Variants in NPAS2 observed in about 807,000 individuals in gnomAD.
NPAS2 encodes neuronal PAS domain protein 2.
NPAS2 carries 23 observed loss-of-function variants against 107.5 expected under a neutral mutation model. The observed-to-expected ratio is 0.21, with a 90% CI of 0.15 to 0.30. NPAS2 has a LOEUF of 0.30. NPAS2 is among the 10% of genes least tolerant of loss of function. NPAS2 has a pLI of 1.00. For synonymous variants in NPAS2, 403 were observed against 417.5 expected (o/e 0.97, Z 0.42); for missense variants, 756 against 1,043.3 (o/e 0.72, Z 3.79).
intron 5 of NPAS2, 22 bp from the exon 6 acceptor site, chr2:100,948,213 T>G (rs1286024069): frequency 6.2e-7 from 1 of 1,611,190 alleles, no homozygotes; most frequent in Non-Finnish European, 8.5e-7. Context: ...GGTGTACCTT[T>G]GTCCTTTATT....
At chr2:100,958,521 C>T (rs1675713451) in intron 7 of NPAS2, among the ~76,000 whole-genome samples, 1 of 152,184 alleles carries the variant, frequency 6.6e-6, no homozygotes, top group Admixed American at 6.5e-5. Context: ...CCGTCCTTCC[C>T]CTGCAGGGGT....
chr2:100,982,511 A>G, intron 16 of NPAS2, 134 bp downstream of exon 16: 3 of 1,022,086 alleles, frequency 2.9e-6, no homozygotes, highest in Non-Finnish European at 4.2e-6. Context: ...TTATGAAAGC[A>G]TATTGCAGTC....
chr2:100,911,159 A>C (rs989438851), intron 2 of NPAS2, among the ~76,000 whole-genome samples: 5 of 152,210 alleles, frequency 3.3e-5, no homozygotes, highest in Non-Finnish European at 5.9e-5. Context: ...GCAATTAGCA[A>C]ATAACCAAAA....
intron 1 of NPAS2, among the ~76,000 whole-genome samples, chr2:100,890,259 G>T (rs1300662187): frequency 6.6e-6 from 1 of 152,226 alleles, no homozygotes; most frequent in Admixed American, 6.5e-5. Flanking sequence ...CAGGGAGCAG[G>T]CTGGGCTCAG....
At chr2:100,923,910 T>G (rs781696888) in intron 2 of NPAS2, among the ~76,000 whole-genome samples, 83 of 152,122 alleles carry the variant, frequency 5.5e-4, no homozygotes, top group Non-Finnish European at 8.7e-4. Context: ...CCTTGTTCGT[T>G]GTTAATTAGA....
intron 2 of NPAS2, among the ~76,000 whole-genome samples, chr2:100,908,279 A>C (rs1682298791): frequency 6.6e-6 from 1 of 152,152 alleles, no homozygotes; most frequent in Non-Finnish European, 1.5e-5. Context: ...TGCAGTATGC[A>C]GTGCTGATAG....
intron 1 of NPAS2, among the ~76,000 whole-genome samples, chr2:100,852,145 C>T (rs1194975450): frequency 3.3e-5 from 5 of 152,062 alleles, no homozygotes; most frequent in Non-Finnish European, 7.3e-5. Flanking sequence ...GCCTGTAATC[C>T]CAGCACTTTG....
Position 100,949,861 on chromosome 2 carries a change from G to A in NPAS2, c.598+381G>A, listed in dbSNP as rs4851385. ...TTGCCTTCCACACTGTTTCCCTCCC[G>A]CTGCAGTACTGTCATGAGCGTATTT... On this transcript the variant is annotated intron_variant, in intron 7 of 20. Coordinates refer to ENST00000335681, the MANE Select transcript of NPAS2 (RefSeq NM_002518.4). Among the ~76,000 whole-genome samples the A allele has an allele frequency of 7.5e-3, 1,148 of 152,072 alleles. 14 individuals are homozygous for A. Among genetic ancestry groups the A allele is most frequent in the African/African-American group, 0.027 (1,103 of 41,456 alleles).
intron 1 of NPAS2, among the ~76,000 whole-genome samples, chr2:100,835,516 G>A (rs1251574035): frequency 6.6e-6 from 1 of 152,148 alleles, no homozygotes. Context: ...GTACAAAAGA[G>A]GAACGCTTGC....
intron 1 of NPAS2, among the ~76,000 whole-genome samples, chr2:100,888,328 A>G (rs1156660565): frequency 1.3e-5 from 2 of 152,108 alleles, no homozygotes; most frequent in African/African-American, 4.8e-5. Flanking sequence ...GAGGGTTGTG[A>G]ACAGCTAAAG....
intron 1 of NPAS2, among the ~76,000 whole-genome samples, chr2:100,842,071 G>A (rs1366842897): frequency 2.4e-5 from 2 of 81,836 alleles, no homozygotes; most frequent in African/African-American, 7.6e-5. Flanking sequence ...GCATGAGTGT[G>A]CATGTACGCG....
At chr2:100,929,293 G>C (rs1683789167) in intron 3 of NPAS2, among the ~76,000 whole-genome samples, 1 of 152,152 alleles carries the variant, frequency 6.6e-6, no homozygotes, top group Non-Finnish European at 1.5e-5. Context: ...GGAAAATGTG[G>C]AATCTAAGCC....
intron 12 of NPAS2, among the ~76,000 whole-genome samples, chr2:100,971,943 CTTTTTT>C (rs562926280): frequency 7.3e-6 from 1 of 136,312 alleles, no homozygotes; most frequent in African/African-American, 2.7e-5. Flanking sequence ...ATGAATTTTT[CTTTTTT>C]TTTTTTTTTT....
chr2:100,821,893 C>T (rs1178317192), intron 1 of NPAS2, among the ~76,000 whole-genome samples: 1 of 152,248 alleles, frequency 6.6e-6, no homozygotes, highest in Non-Finnish European at 1.5e-5. Flanking sequence ...TGTTTCATTA[C>T]AGCGCTAAAC....
chr2:100,955,627 C>T (rs866087118), intron 7 of NPAS2, among the ~76,000 whole-genome samples: 31 of 147,406 alleles, frequency 2.1e-4, no homozygotes, highest in Admixed American at 1.1e-3. Flanking sequence ...CAGGTGGGTA[C>T]GCACTGGGTA....
chr2:100,948,048 A>G (rs1675009253), intron 5 of NPAS2, among the ~76,000 whole-genome samples, 187 bp from the exon 6 acceptor site: 1 of 152,242 alleles, frequency 6.6e-6, no homozygotes, highest in African/African-American at 2.4e-5. Flanking sequence ...ATTTGAACAA[A>G]TACAGCCCTT....
chr2:100,917,405 G>A (rs1038634377), intron 2 of NPAS2, among the ~76,000 whole-genome samples: 1 of 152,124 alleles, frequency 6.6e-6, no homozygotes, highest in African/African-American at 2.4e-5. Flanking sequence ...GCGGGCACCT[G>A]TAATTCCAGC....
At position 100,995,473 on chromosome 2, in the gene NPAS2, G is replaced by A. The variant is rs753444490; in HGVS notation, c.2366G>A (p.Gly789Glu). Residue 789 changes from glycine (G) to glutamate (E), a missense_variant, in exon 21 of 21, where the codon GGG (glycine) becomes GAG (glutamate). Around this residue, in one of 4 missense-constraint regions of NPAS2, gnomAD observed 496 missense variants for 594.4 expected, o/e 0.83. Transcript: ENST00000335681. The stretch of plus-strand genomic sequence containing the variant: ...CTCTCCACCTACTCACAACAGCCAG[G>A]GACCCTGGGCTACCCCCAACCACCC... ...LLLSTYSQQP[G>E]TLGYPQPPPA... 6.0e-5 allele frequency: 97 copies of A among 1,613,870 alleles called. No individual in the cohort carries two copies. The highest frequency in any genetic ancestry group is 6.9e-5 in the Non-Finnish European group (82 of 1,180,020).
Position 100,995,739 on chromosome 2 carries a change from GC to G in NPAS2, c.*158del. The G allele has an allele frequency of 6.5e-7, 1 of 1,549,712 alleles. No individual in the cohort carries two copies. The highest frequency in any genetic ancestry group is 1.4e-5 in the African/African-American group (1 of 73,176). On this transcript the variant is annotated 3_prime_UTR_variant, in exon 21 of 21. Transcript: ENST00000335681. ...GGATGGTAACCATCTCTGGAGTGCAGCGCTTGCTGCAGTGGAAATGATCAGG... is the reference window on the plus strand; with the variant it reads ...GGATGGTAACCATCTCTGGAGTGCAGGCTTGCTGCAGTGGAAATGATCAGG...
Sources: allele counts gnomAD v4.1 joint callset (sites outside exome capture counted in the v4.1 genomes callset), GRCh38; gene constraint gnomAD v4.1.1; regional missense constraint gnomAD v4.1.1; transcripts MANE v1.5; gene names NCBI Gene and HGNC (gene_info 2026-07-23, HGNC 2026-07-21).